The following ANO6 variants were observed in gnomAD, a reference collection of about 807,000 sequenced individuals.
ANO6 encodes anoctamin-6.
ANO6 carries 106 observed loss-of-function variants against 117.5 expected under a neutral mutation model. The observed-to-expected ratio is 0.90, with a 90% CI of 0.77 to 1.06. The LOEUF is 1.06. Ranked by LOEUF, ANO6 falls within the 50% of genes least tolerant of loss-of-function variation. ANO6 has a pLI of 0.00. For missense variants in ANO6, 955 were observed against 1,121.1 expected, an observed-to-expected ratio of 0.85 and a Z score of 2.12; for synonymous variants, 367 against 385.1, an observed-to-expected ratio of 0.95 and a Z score of 0.55.
intron 6 of ANO6, among the ~76,000 whole-genome samples, 188 bp downstream of exon 6, chr12:45,348,819 A>G (rs779446667): frequency 6.6e-6 from 1 of 152,164 alleles, no homozygotes; most frequent in Non-Finnish European, 1.5e-5. Flanking sequence ...AGTTATAAAG[A>G]TACTCAGTTT....
chr12:45,318,852 T>C (rs923360181), intron 2 of ANO6, among the ~76,000 whole-genome samples: 2 of 152,180 alleles, frequency 1.3e-5, no homozygotes, highest in Non-Finnish European at 1.5e-5. Flanking sequence ...CCCTTTTAAG[T>C]TGGATTCCTA....
At chr12:45,257,236 A>T (rs561416884) in intron 1 of ANO6, among the ~76,000 whole-genome samples, 1 of 152,246 alleles carries the variant, frequency 6.6e-6, no homozygotes, top group African/African-American at 2.4e-5. Flanking sequence ...GGGCAGTCTC[A>T]TTCACACTTG....
Position 45,437,609 on chromosome 12 carries a change from G to A in ANO6, c.2527-2066G>A, listed in dbSNP as rs1297940469. Reference sequence around the variant, plus strand: ...TTGAGAGACAGAGTCTCGCTCTGTCGCCCAGGCTGGAGAGCAGCGGCGCAA... The same window carrying A: ...TTGAGAGACAGAGTCTCGCTCTGTCACCCAGGCTGGAGAGCAGCGGCGCAA... On this transcript the variant is annotated intron_variant, in intron 19 of 19. Transcript: ENST00000425752. 4.6e-5 allele frequency among the ~76,000 whole-genome samples: 7 copies of A among 151,816 alleles called. No homozygotes were observed. In the East Asian group the frequency reaches 5.8e-4, roughly 13 times the overall value.
chr12:45,258,802 ATGT>A (rs1219954028), intron 1 of ANO6, among the ~76,000 whole-genome samples: 1 of 152,220 alleles, frequency 6.6e-6, no homozygotes, highest in African/African-American at 2.4e-5. Flanking sequence ...CCCCAAAGGA[ATGT>A]TTTCCTCCAG....
At chr12:45,247,326 T>G (rs995881403) in intron 1 of ANO6, among the ~76,000 whole-genome samples, 1 of 152,226 alleles carries the variant, frequency 6.6e-6, no homozygotes, top group African/African-American at 2.4e-5. Context: ...GCAACATATA[T>G]TAAGTGCCAG....
intron 3 of ANO6, among the ~76,000 whole-genome samples, chr12:45,344,708 T>G (rs1941079280): frequency 6.6e-6 from 1 of 152,196 alleles, no homozygotes; most frequent in Non-Finnish European, 1.5e-5. Flanking sequence ...ATGCTGTCTG[T>G]GGGATCAAAA....
chr12:45,377,320 C>A (rs1178768232), intron 9 of ANO6, among the ~76,000 whole-genome samples: 1 of 152,022 alleles, frequency 6.6e-6, no homozygotes, highest in Non-Finnish European at 1.5e-5. Flanking sequence ...TTTCCAGGAA[C>A]TCATAGAGGG....
intron 1 of ANO6, among the ~76,000 whole-genome samples, chr12:45,296,712 T>G (rs1939306559): frequency 6.6e-6 from 1 of 152,242 alleles, no homozygotes; most frequent in East Asian, 1.9e-4. Context: ...TTTTAAAAGA[T>G]GTGCAACTTT....
intron 3 of ANO6, among the ~76,000 whole-genome samples, chr12:45,341,146 T>C (rs941845010): frequency 2.0e-5 from 3 of 152,192 alleles, no homozygotes; most frequent in African/African-American, 7.2e-5. Context: ...AACTCCAAGG[T>C]CTACCAATTA....
intron 8 of ANO6, among the ~76,000 whole-genome samples, chr12:45,362,518 G>A (rs1233130203): frequency 6.6e-6 from 1 of 151,754 alleles, no homozygotes; most frequent in East Asian, 1.9e-4. Context: ...TTAATATTTA[G>A]TTCATTTATA....
At chr12:45,260,946 A>G (rs966458074) in intron 1 of ANO6, among the ~76,000 whole-genome samples, 2 of 151,080 alleles carry the variant, frequency 1.3e-5, no homozygotes, top group African/African-American at 4.9e-5. Flanking sequence ...TGCCACCGCA[A>G]CCGGCTGTTT....
rs553165628 is a variant in ANO6, at chr12:45,407,311, C to T, written c.1881-2046C>T. Among the ~76,000 whole-genome samples the T allele has an allele frequency of 1.5e-4, 23 of 152,260 alleles. No individual in the cohort carries two copies. In the East Asian group the frequency reaches 4.2e-3, roughly 28 times the overall value. On this transcript the variant is annotated intron_variant, in intron 15 of 19. Coordinates refer to ENST00000320560, the MANE Select transcript of ANO6 (RefSeq NM_001025356.3). ...GCTTTGATGTGATTTAGAGCCCAGA[C>T]AGAAAAAGACCTGCTTCTCTGAGGG...
chr12:45,403,274 T>G (rs1346712046), intron 14 of ANO6, 33 bp downstream of exon 14: 2 of 1,605,952 alleles, frequency 1.2e-6, no homozygotes, highest in Non-Finnish European at 8.5e-7. Flanking sequence ...TCTTGCCAGT[T>G]TAAGCTGAGT....
At chr12:45,386,475 G>A (rs972565164) in intron 10 of ANO6, among the ~76,000 whole-genome samples, 2 of 152,020 alleles carry the variant, frequency 1.3e-5, no homozygotes, top group Admixed American at 1.3e-4. Context: ...TCAGAAACCT[G>A]GCTAGCATCC....
rs1943221992 is a variant in ANO6 at position 45,416,713 on chromosome 12, T to C, written c.2026T>C (p.Phe676Leu). The C allele has an allele frequency of 1.9e-6, 3 of 1,614,106 alleles. No homozygotes were observed. In the South Asian group the frequency reaches 3.3e-5, roughly 18 times the overall value. Residue 676 changes from phenylalanine (F) to leucine (L), a missense_variant, in exon 17 of 20, where the codon TTC becomes CTC. Phe to Leu is a conservative substitution (Grantham distance 22). Coordinates refer to ENST00000320560, the MANE Select transcript of ANO6 (RefSeq NM_001025356.3). ...TCCATTGACAGTTATTCAGTTTGGG[T>C]TCGTCACCTTATTTGTGGCCTCTTT... ...EYLEMIIQFGFVTLFVASFPL... is the reference protein window; with the variant it reads ...EYLEMIIQFGLVTLFVASFPL...
chr12:45,310,488 G>A (rs1459083203), intron 2 of ANO6, among the ~76,000 whole-genome samples: 1 of 152,030 alleles, frequency 6.6e-6, no homozygotes, highest in East Asian at 1.9e-4. Context: ...GTGAGATGAT[G>A]AAGAAGCAGT....
chr12:45,242,587 C>A (rs1033102409), intron 1 of ANO6, among the ~76,000 whole-genome samples: 1 of 152,212 alleles, frequency 6.6e-6, no homozygotes, highest in African/African-American at 2.4e-5. Context: ...CACCCACTGT[C>A]CAACCAGTCC....
intron 15 of ANO6, among the ~76,000 whole-genome samples, chr12:45,406,551 CAT>C (rs1942939604): frequency 6.6e-6 from 1 of 151,918 alleles, no homozygotes; most frequent in African/African-American, 2.4e-5. Flanking sequence ...TATATTGTAA[CAT>C]AAACGCCTCT....
chr12:45,252,694 A>G (rs185379016), intron 1 of ANO6, among the ~76,000 whole-genome samples: 90 of 152,358 alleles, frequency 5.9e-4, no homozygotes, highest in African/African-American at 2.0e-3. Context: ...GAGCCAAAAC[A>G]GTTCTCACAT....
Sources: allele counts gnomAD v4.1 joint callset (sites outside exome capture counted in the v4.1 genomes callset), GRCh38; gene constraint gnomAD v4.1.1; transcripts MANE v1.5; gene names NCBI Gene and HGNC (gene_info 2026-07-23, HGNC 2026-07-21).